The following TMEM218 variants were observed in gnomAD, a reference collection of about 807,000 sequenced individuals.
TMEM218 encodes the protein transmembrane protein 218.
A neutral mutation model predicts 10.0 loss-of-function variants in TMEM218; 8 were observed. The ratio of observed to expected loss-of-function variants is 0.80; its 90% confidence interval spans 0.47 to 1.44. TMEM218 has a LOEUF of 1.44. Among genes scored for constraint, TMEM218 ranks in the 40% most tolerant of loss-of-function variants. TMEM218 has a pLI of 0.00. For synonymous variants in TMEM218, 66 were observed against 63.5 expected, an observed-to-expected ratio of 1.04 and a Z score of -0.18; for missense variants, 110 against 140.1, an observed-to-expected ratio of 0.79 and a Z score of 1.08.
chr11:125,096,168 G>A lies in TMEM218; in HGVS notation c.*1438C>T. Among the ~76,000 whole-genome samples, 1 of 152,144 alleles carries A rather than the reference G, an allele frequency of 6.6e-6. No homozygotes were observed. The highest frequency in any genetic ancestry group is 6.5e-5 in the Admixed American group (1 of 15,280). ...TTTTTCCAAACTAAGTAAGATAAAG[G>A]AAATGGTTCAATGTAGGGATAACTA... is the stretch of plus-strand genomic sequence containing the variant. On this transcript the variant is annotated 3_prime_UTR_variant, in exon 5 of 5. Coordinates refer to ENST00000682305, the MANE Select transcript of TMEM218 (RefSeq NM_001258244.2).
intron 1 of TMEM218, chr11:125,103,556 C>T (rs550437079): frequency 1.3e-4 from 20 of 152,370 alleles, no homozygotes; most frequent in African/African-American, 4.3e-4. Context: ...CATTTTCTGT[C>T]TCTTATAACG....
Position 125,097,715 on chromosome 11 carries a change from C to T in TMEM218, c.239G>A (p.Arg80His), listed in dbSNP as rs575689990. The T allele has an allele frequency of 6.2e-6, 10 of 1,613,564 alleles. No individual in the cohort carries two copies. The African/African-American group carries it at 9.3e-5, about 15-fold the overall frequency. The change falls in exon 5 of 5, where the codon CGC (arginine) becomes CAC (histidine). Residue 80 changes from arginine to histidine, a missense_variant. Arg to His is a conservative substitution (Grantham distance 29). Transcript: ENST00000682305. ...ACTAAGGAAAGCCAGCAGGACATAG[C>T]GGCCAATGAAAAAGTCATCCACAAT... ...VKIVDDFFIG[R>H]YVLLAFLSAI...
At chr11:125,106,565 GAATA>G (rs575410450) in intron 1 of TMEM218, among the ~76,000 whole-genome samples, 125 of 152,318 alleles carry the variant, frequency 8.2e-4, no homozygotes, top group Admixed American at 3.5e-3. Flanking sequence ...ACCTGAATGA[GAATA>G]AATATGTAAA....
At position 125,096,014 on chromosome 11, in the gene TMEM218, CTT is replaced by C. The variant is rs1949600605; in HGVS notation, c.*1590_*1591del. ...CCAGCTTGTCTCAATTCCCTCAAGA[CTT>C]ATGCATTCTTTTTTCTCTCCCTCAA... On this transcript the variant is annotated 3_prime_UTR_variant, in exon 5 of 5. Transcript: ENST00000682305. Among the ~76,000 whole-genome samples, 2 of 152,158 alleles carry C rather than the reference CTT, an allele frequency of 1.3e-5. No individual in the cohort carries two copies. The highest frequency in any genetic ancestry group is 4.8e-5 in the African/African-American group (2 of 41,430).
chr11:125,102,325 G>A lies in TMEM218; in HGVS notation c.-76-8C>T. The A allele has an allele frequency of 6.4e-7, 1 of 1,555,856 alleles. No individual in the cohort carries two copies. Among genetic ancestry groups the A allele is most frequent in the Non-Finnish European group, 8.7e-7 (1 of 1,153,500 alleles). Reference sequence around the variant, plus strand: ...GTGCTCCAGTGCAACACACTCCCGTGAAAGCATTCAGACAAATACAGAAAG... The same window carrying A: ...GTGCTCCAGTGCAACACACTCCCGTAAAAGCATTCAGACAAATACAGAAAG... On this transcript the variant is annotated splice_region_variant and splice_polypyrimidine_tract_variant and intron_variant, in intron 2 of 4. Coordinates refer to ENST00000682305, the MANE Select transcript of TMEM218 (RefSeq NM_001258244.2).
chr11:125,110,763 AAC>A (rs2136000733), intron 1 of TMEM218: 1 of 146,498 alleles, frequency 6.8e-6, no homozygotes, highest in East Asian at 2.1e-4. Flanking sequence ...AGCAACAGAA[AAC>A]AGTGGGTTAC....
chr11:125,102,359 C>T (rs968096439), intron 2 of TMEM218, 42 bp from the exon 3 acceptor site: 17 of 1,532,964 alleles, frequency 1.1e-5, no homozygotes, highest in Non-Finnish European at 1.4e-5. Flanking sequence ...AGCCTAAACT[C>T]ATTACAGGTT....
At chr11:125,099,055 A>C (rs1326432415) in intron 4 of TMEM218, among the ~76,000 whole-genome samples, 1 of 152,222 alleles carries the variant, frequency 6.6e-6, no homozygotes, top group African/African-American at 2.4e-5. Flanking sequence ...AAGATAATAC[A>C]TCTGTGTTGG....
Position 125,097,735 on chromosome 11 carries a change from C to G in TMEM218, c.219G>C (p.Val73=). 1 of 1,613,394 alleles carries G rather than the reference C, an allele frequency of 6.2e-7. No homozygotes were observed. Among genetic ancestry groups the G allele is most frequent in the Non-Finnish European group, 8.5e-7 (1 of 1,179,692 alleles). The change falls in exon 5 of 5, where the codon GTG becomes GTC. Residue 73 remains valine (V), a synonymous_variant. Transcript: ENST00000682305. ...FPAPEVEVKI[V]DDFFIGRYVL... ...CATAGCGGCCAATGAAAAAGTCATC[C>G]ACAATCTGGAGAAAGAAAACATCAA...
rs1949799831 is a variant in TMEM218 at position 125,097,505 on chromosome 11, G to A, written c.*101C>T. 2.2e-6 allele frequency: 3 copies of A among 1,342,080 alleles called. No individual in the cohort carries two copies. Among genetic ancestry groups the A allele is most frequent in the African/African-American group, 1.5e-5 (1 of 67,944 alleles). The allele number at this position is 1,342,080 out of a possible 1,614,324, so 83.1% of individuals were successfully genotyped here. A position where few individuals can be genotyped will look rare whatever the true frequency, so the allele number is the denominator to read the frequency against. On this transcript the variant is annotated 3_prime_UTR_variant, in exon 5 of 5. Coordinates refer to ENST00000682305, the MANE Select transcript of TMEM218 (RefSeq NM_001258244.2). ...TGGACAGATACTCCTCTAACCTTAA[G>A]GCATGAGGGCTGTCAAAACAAGGCT...
Position 125,098,900 on chromosome 11 carries a change from G to A in TMEM218, c.214-1160C>T, listed in dbSNP as rs375468484. Reference sequence around the variant, plus strand: ...TGAAGATGGAGGAAGGGGGCTGTCAGCCAAGGAATACGAGCAGCCTCTAGA... The same window carrying A: ...TGAAGATGGAGGAAGGGGGCTGTCAACCAAGGAATACGAGCAGCCTCTAGA... On this transcript the variant is annotated intron_variant, in intron 4 of 4. Transcript: ENST00000682305. Among the ~76,000 whole-genome samples the A allele has an allele frequency of 7.2e-5, 11 of 152,288 alleles. 1 individual carries two copies. Among genetic ancestry groups the A allele is most frequent in the African/African-American group, 2.4e-4 (10 of 41,566 alleles).
At position 125,102,812 on chromosome 11, in the gene TMEM218, TAAAG is replaced by T. The variant is rs1350569358; in HGVS notation, c.-152-7_-152-4del. On this transcript the variant is annotated splice_polypyrimidine_tract_variant and splice_region_variant and intron_variant, in intron 1 of 4. Coordinates refer to ENST00000682305, the MANE Select transcript of TMEM218 (RefSeq NM_001258244.2). ...CAAGAGGATGAAAACTCCCAGTCCT[TAAAG>T]AAGAGGAACAGCCATCACTATTTTT... 1 of 819,502 alleles carries T rather than the reference TAAAG, an allele frequency of 1.2e-6. No homozygotes were observed. Among genetic ancestry groups the T allele is most frequent in the Non-Finnish European group, 1.7e-6 (1 of 587,104 alleles). 50.8% of individuals were successfully genotyped at this position (819,502 alleles called of 1,614,324 possible). A position where few individuals can be genotyped will look rare whatever the true frequency, so the allele number is the denominator to read the frequency against.
intron 1 of TMEM218, among the ~76,000 whole-genome samples, chr11:125,109,386 G>A (rs894544002): frequency 8.5e-5 from 13 of 152,260 alleles, no homozygotes; most frequent in African/African-American, 2.9e-4. Context: ...GCAGAGGGAG[G>A]AAGGAAAGGG....
intron 1 of TMEM218, among the ~76,000 whole-genome samples, chr11:125,109,616 G>A (rs757041211): frequency 6.6e-5 from 10 of 152,348 alleles, no homozygotes; most frequent in Middle Eastern, 6.8e-3. Context: ...GGATGCATAT[G>A]AATTGGGTGA....
At chr11:125,101,144 A>G (rs1950671304) in intron 4 of TMEM218, 57 bp downstream of exon 4, 1 of 1,441,822 alleles carries the variant, frequency 6.9e-7, no homozygotes, top group African/African-American at 1.4e-5. Flanking sequence ...ACGGATGTGC[A>G]GACCAAGAGA....
At chr11:125,100,424 T>C (rs1490479474) in intron 4 of TMEM218, among the ~76,000 whole-genome samples, 1 of 152,220 alleles carries the variant, frequency 6.6e-6, no homozygotes, top group Non-Finnish European at 1.5e-5. Context: ...GCAAACAAAG[T>C]GTTTGGCACA....
chr11:125,107,185 T>G (rs1952380705), intron 1 of TMEM218, among the ~76,000 whole-genome samples: 1 of 152,208 alleles, frequency 6.6e-6, no homozygotes, highest in Non-Finnish European at 1.5e-5. Flanking sequence ...TATGGTTGGC[T>G]TGTGAAACAT....
At chr11:125,110,850 C>A (rs1286089003) in intron 1 of TMEM218, 1 of 51,242 alleles carries the variant, frequency 2.0e-5, no homozygotes, top group African/African-American at 6.1e-5. Flanking sequence ...TCAAAAATAA[C>A]GGGGGGGGGG....
intron 1 of TMEM218, chr11:125,103,756 C>A: frequency 6.6e-6 from 1 of 152,222 alleles, no homozygotes. Context: ...CACCACACTA[C>A]CTCTCCTGGT....
Sources: gnomAD v4.1 joint callset for allele counts (sites outside exome capture counted in the v4.1 genomes callset) on GRCh38, gnomAD v4.1.1 for gene constraint, MANE v1.5 for transcripts, NCBI Gene and HGNC (gene_info 2026-07-23, HGNC 2026-07-21) for gene names.